DACH1: variants seen among roughly 807,000 people sequenced by gnomAD.
The protein encoded by DACH1 is dachshund homolog 1.
DACH1 carries 12 observed loss-of-function variants against 54.2 expected under a neutral mutation model. The ratio of observed to expected loss-of-function variants is 0.22; its 90% confidence interval spans 0.14 to 0.36. DACH1 has a LOEUF of 0.36. Among genes scored for constraint, DACH1 ranks in the 10% least tolerant of loss-of-function variants. DACH1 has a pLI of 1.00. For missense variants in DACH1, 805 were observed against 929.8 expected, an observed-to-expected ratio of 0.87 and a Z score of 1.75; for synonymous variants, 386 against 366.2, an observed-to-expected ratio of 1.05 and a Z score of -0.62.
chr13:71,589,659 C>G (rs770024174), intron 3 of DACH1, among the ~76,000 whole-genome samples: 1 of 151,710 alleles, frequency 6.6e-6, no homozygotes, highest in Non-Finnish European at 1.5e-5. Flanking sequence ...TTGATATTGA[C>G]GTTTTGATTC....
At chr13:71,560,446 C>T (rs1884514087) in intron 4 of DACH1, among the ~76,000 whole-genome samples, 1 of 152,078 alleles carries the variant, frequency 6.6e-6, no homozygotes, top group South Asian at 2.1e-4. Flanking sequence ...CTGCTCTGGA[C>T]ATACTCAGTC....
rs577610330 is a variant in DACH1, at chr13:71,718,925, C to T, written c.849-37015G>A. ...CATTTATAAACCATCCTACCCATTG[C>T]TTTTAGAATAAAAATTATTAGGTAA... On this transcript the variant is annotated intron_variant, in intron 1 of 10. Coordinates refer to ENST00000613252, the MANE Select transcript of DACH1 (RefSeq NM_080759.6). Among the ~76,000 whole-genome samples the T allele has an allele frequency of 5.9e-5, 9 of 152,260 alleles. No homozygotes were observed. In the East Asian group the frequency reaches 1.7e-3, roughly 29 times the overall value.
chr13:71,752,977 C>T (rs969482769), intron 1 of DACH1, among the ~76,000 whole-genome samples: 2 of 152,114 alleles, frequency 1.3e-5, no homozygotes, highest in Non-Finnish European at 2.9e-5. Flanking sequence ...CAGGTGTGAG[C>T]AGTGACTAGA....
intron 1 of DACH1, among the ~76,000 whole-genome samples, chr13:71,854,826 T>C (rs1873897778): frequency 6.6e-6 from 1 of 152,036 alleles, no homozygotes; most frequent in Admixed American, 6.6e-5. Flanking sequence ...ATATTGGTAT[T>C]TTATAAATAT....
At chr13:71,723,696 T>A (rs954172064) in intron 1 of DACH1, among the ~76,000 whole-genome samples, 33 of 152,182 alleles carry the variant, frequency 2.2e-4, no homozygotes, top group African/African-American at 7.7e-4. Flanking sequence ...TGTTTTGTTT[T>A]GTTTTGTTTT....
chr13:71,620,958 T>G (rs1056805879), intron 3 of DACH1, among the ~76,000 whole-genome samples: 2 of 151,978 alleles, frequency 1.3e-5, no homozygotes, highest in Non-Finnish European at 2.9e-5. Context: ...TGAACTCAAT[T>G]GATAAAAAGA....
rs552763762 is a variant in DACH1 at position 71,467,603 on chromosome 13, TTC to T, written c.2083+7536_2083+7537del. Among the ~76,000 whole-genome samples the T allele has an allele frequency of 4.7e-3, 722 of 152,072 alleles. 3 individuals carry two copies. Among genetic ancestry groups the T allele is most frequent in the East Asian group, 8.9e-3 (46 of 5,186 alleles). On this transcript the variant is annotated intron_variant, in intron 10 of 10. Coordinates refer to ENST00000613252, the MANE Select transcript of DACH1 (RefSeq NM_080759.6). ...AACATTTATGGGTATCGCTAAAACT[TTC>T]TGTTTAATATTAATAACTGATTGTC...
intron 1 of DACH1, among the ~76,000 whole-genome samples, chr13:71,752,880 G>T (rs1053260766): frequency 6.6e-6 from 1 of 152,086 alleles, no homozygotes. Flanking sequence ...ACCACCGTCA[G>T]ATAAAAGCAT....
intron 2 of DACH1, among the ~76,000 whole-genome samples, chr13:71,655,372 A>ATT (rs1188983203): frequency 5.1e-5 from 7 of 137,928 alleles, no homozygotes; most frequent in East Asian, 2.1e-4. Flanking sequence ...TTTTTTTTTA[A>ATT]TTTTTTTTTT....
At position 71,767,505 on chromosome 13, in the gene DACH1, A is replaced by T. The variant is rs567339106; in HGVS notation, c.849-85595T>A. ...TTAATCCATTTCTATGACAGAGATC[A>T]AGCTTCACAGTCGCTTTTTATCCTC... On this transcript the variant is annotated intron_variant, in intron 1 of 10. Coordinates refer to ENST00000613252, the MANE Select transcript of DACH1 (RefSeq NM_080759.6). Among the ~76,000 whole-genome samples, 3 of 152,238 alleles carry T rather than the reference A, an allele frequency of 2.0e-5. No individual in the cohort carries two copies. The South Asian group carries it at 6.2e-4, about 32-fold the overall frequency.
At chr13:71,610,954 T>C (rs969088221) in intron 3 of DACH1, among the ~76,000 whole-genome samples, 6 of 152,182 alleles carry the variant, frequency 3.9e-5, no homozygotes, top group African/African-American at 1.4e-4. Context: ...CAATCTAACC[T>C]GATAATCACT....
At chr13:71,527,293 A>T (rs549660180) in intron 6 of DACH1, among the ~76,000 whole-genome samples, 9 of 152,298 alleles carry the variant, frequency 5.9e-5, no homozygotes, top group African/African-American at 1.9e-4. Flanking sequence ...TAAGCATATT[A>T]TACTTATATT....
intron 1 of DACH1, among the ~76,000 whole-genome samples, chr13:71,740,041 A>G (rs1445041210): frequency 1.3e-5 from 2 of 152,220 alleles, no homozygotes; most frequent in Admixed American, 1.3e-4. Context: ...TGAAATCATA[A>G]TTATATCAAC....
chr13:71,810,991 GA>G (rs553213909), intron 1 of DACH1, among the ~76,000 whole-genome samples: 128 of 152,130 alleles, frequency 8.4e-4, no homozygotes, highest in African/African-American at 3.0e-3. Context: ...TACTGAACCA[GA>G]ACATTTTTTT....
Position 71,627,795 on chromosome 13 carries a change from C to T in DACH1, c.1126+2761G>A, listed in dbSNP as rs147586435. On this transcript the variant is annotated intron_variant, in intron 3 of 10. Transcript: ENST00000613252. ...GTCCTACAAAATCTCTAAGATGCAA[C>T]AGCTGCCCTGAAATCTCCTCACAGG... is the stretch of plus-strand genomic sequence containing the variant. Among the ~76,000 whole-genome samples the T allele has an allele frequency of 1.3e-3, 199 of 152,118 alleles. 1 individual carries two copies. In the East Asian group the frequency reaches 0.026, roughly 20 times the overall value.
At chr13:71,833,030 CAG>C (rs1566530450) in intron 1 of DACH1, among the ~76,000 whole-genome samples, 1 of 151,814 alleles carries the variant, frequency 6.6e-6, no homozygotes, top group African/African-American at 2.4e-5. Context: ...AAGACGCTAA[CAG>C]GGAAGTTGCG....
intron 6 of DACH1, among the ~76,000 whole-genome samples, chr13:71,529,616 A>C (rs1470873387): frequency 1.3e-5 from 2 of 152,200 alleles, no homozygotes; most frequent in Admixed American, 1.3e-4. Flanking sequence ...ACTTCGGAGA[A>C]TATTCACTAA....
At chr13:71,702,931 A>G (rs1882224577) in intron 1 of DACH1, among the ~76,000 whole-genome samples, 1 of 152,212 alleles carries the variant, frequency 6.6e-6, no homozygotes, top group Non-Finnish European at 1.5e-5. Flanking sequence ...AATTAGGAAT[A>G]TATATGACTG....
chr13:71,752,559 T>C (rs909027425), intron 1 of DACH1, among the ~76,000 whole-genome samples: 7 of 152,034 alleles, frequency 4.6e-5, no homozygotes, highest in African/African-American at 1.7e-4. Context: ...TTACTTGGAA[T>C]TTCAGGAACT....
Sources: allele counts gnomAD v4.1 joint callset (sites outside exome capture counted in the v4.1 genomes callset), GRCh38; gene constraint gnomAD v4.1.1; transcripts MANE v1.5; gene names NCBI Gene and HGNC (gene_info 2026-07-23, HGNC 2026-07-21).